The following SV2C variants were observed in gnomAD, a reference collection of about 807,000 sequenced individuals.
SV2C encodes solute carrier family 22 member B3.
In SV2C, 49 loss-of-function variants were observed where a neutral mutation model predicts 79.7. The ratio of observed to expected loss-of-function variants is 0.61; its 90% CI spans 0.49 to 0.78. SV2C has a LOEUF of 0.78. Among genes scored for constraint, SV2C ranks in the 30% least tolerant of loss-of-function variants. The pLI is 0.00. For missense variants in SV2C, 833 were observed against 912.9 expected, an observed-to-expected ratio of 0.91 and a Z score of 1.13; for synonymous variants, 334 against 333.2, an observed-to-expected ratio of 1.00 and a Z score of -0.03.
chr5:76,322,493 A>G (rs1052174824), intron 12 of SV2C, among the ~76,000 whole-genome samples: 4 of 152,240 alleles, frequency 2.6e-5, no homozygotes, highest in African/African-American at 9.6e-5. Flanking sequence ...TGCTATTCCC[A>G]TCCAACTACC....
chr5:75,897,585 T>C, the SV2C span, among the ~76,000 whole-genome samples: 1 of 152,330 alleles, frequency 6.6e-6, no homozygotes, highest in African/African-American at 2.4e-5. Flanking sequence ...TTTAAAGTAG[T>C]TTTTTCCAAT....
At chr5:75,950,469 T>G in the SV2C span, among the ~76,000 whole-genome samples, 4 of 152,138 alleles carry the variant, frequency 2.6e-5, no homozygotes, top group South Asian at 8.3e-4. Context: ...TTAACAAACA[T>G]ATGAAAACTT....
At chr5:76,048,193 G>A in the SV2C span, among the ~76,000 whole-genome samples, 1 of 152,236 alleles carries the variant, frequency 6.6e-6, no homozygotes, top group South Asian at 2.1e-4. Flanking sequence ...ATGTGATTAT[G>A]GAGGCTAAGA....
intron 2 of SV2C, among the ~76,000 whole-genome samples, chr5:76,190,498 C>T (rs1310880365): frequency 6.6e-6 from 1 of 152,176 alleles, no homozygotes; most frequent in African/African-American, 2.4e-5. Flanking sequence ...TCAGATATTG[C>T]CCAGGGGATC....
chr5:75,884,403 C>T, the SV2C span, among the ~76,000 whole-genome samples: 7 of 152,096 alleles, frequency 4.6e-5, no homozygotes, highest in African/African-American at 1.7e-4. Context: ...AAATAACATA[C>T]TTTGTTTTTA....
intron 1 of SV2C, among the ~76,000 whole-genome samples, chr5:76,113,938 A>T (rs959137119): frequency 6.6e-6 from 1 of 152,172 alleles, no homozygotes; most frequent in African/African-American, 2.4e-5. Flanking sequence ...ACACACACAC[A>T]CATATATACA....
intron 1 of SV2C, among the ~76,000 whole-genome samples, chr5:76,085,700 A>T (rs1461136410): frequency 6.6e-6 from 1 of 152,086 alleles, no homozygotes; most frequent in African/African-American, 2.4e-5. Context: ...ATTGTGAAAA[A>T]TAGCTTATAC....
intron 4 of SV2C, among the ~76,000 whole-genome samples, chr5:76,242,768 C>T (rs764154879): frequency 4.7e-4 from 71 of 151,844 alleles, no homozygotes; most frequent in Non-Finnish European, 4.3e-4. Context: ...TGTGGTAGCT[C>T]ACGCCTGTAA....
At position 76,300,621 on chromosome 5, in the gene SV2C, C is replaced by A. The variant is rs374570282; in HGVS notation, c.1637-108C>A. The A allele has an allele frequency of 6.7e-6, 8 of 1,190,136 alleles. No homozygotes were observed. The East Asian group carries it at 7.2e-5, about 11-fold the overall frequency. The allele number at this position is 1,190,136 out of a possible 1,614,324, so 73.7% of individuals were successfully genotyped here. A position where few individuals can be genotyped will look rare whatever the true frequency, so the allele number is the denominator to read the frequency against. ...AAGCTAGCATAGGCCTGAAAGCCCT[C>A]AAGGAATTTACAATACTGGTTTCCT... On this transcript the variant is annotated intron_variant, in intron 10 of 12. Coordinates refer to ENST00000502798, the MANE Select transcript of SV2C (RefSeq NM_014979.4).
the SV2C span, among the ~76,000 whole-genome samples, chr5:75,861,314 A>G: frequency 1.3e-5 from 2 of 152,316 alleles, no homozygotes; most frequent in East Asian, 3.9e-4. Context: ...TTAAAAAGTC[A>G]AAAAACAACA....
the SV2C span, among the ~76,000 whole-genome samples, chr5:75,884,648 T>G: frequency 6.6e-6 from 1 of 152,080 alleles, no homozygotes; most frequent in Non-Finnish European, 1.5e-5. Flanking sequence ...AAGAGGAGGT[T>G]TTGAATGTTA....
At chr5:76,316,155 C>G (rs1395591768) in intron 12 of SV2C, among the ~76,000 whole-genome samples, 2 of 152,092 alleles carry the variant, frequency 1.3e-5, no homozygotes, top group African/African-American at 2.4e-5. Flanking sequence ...TGTCTAAATC[C>G]TCTGATTTCC....
intron 1 of SV2C, among the ~76,000 whole-genome samples, chr5:76,120,172 G>A (rs1748431917): frequency 6.6e-6 from 1 of 151,730 alleles, no homozygotes; most frequent in Non-Finnish European, 1.5e-5. Context: ...GAATCTACCA[G>A]CACACATTTC....
At chr5:75,870,857 G>A in the SV2C span, among the ~76,000 whole-genome samples, 2 of 152,116 alleles carry the variant, frequency 1.3e-5, no homozygotes, top group Non-Finnish European at 2.9e-5. Context: ...GGAGAGAGTG[G>A]CACGACATAT....
At chr5:75,997,577 C>CA in the SV2C span, among the ~76,000 whole-genome samples, 5 of 152,088 alleles carry the variant, frequency 3.3e-5, no homozygotes, top group Non-Finnish European at 7.4e-5. Flanking sequence ...GCAACCAAAA[C>CA]ACACATGAAA....
At chr5:76,001,489 C>A in the SV2C span, among the ~76,000 whole-genome samples, 1 of 151,860 alleles carries the variant, frequency 6.6e-6, no homozygotes, top group Non-Finnish European at 1.5e-5. Context: ...GTGGTCCCAG[C>A]TACTCAGAAG....
chr5:76,122,791 C>A (rs566790932), intron 1 of SV2C, among the ~76,000 whole-genome samples: 3 of 151,858 alleles, frequency 2.0e-5, no homozygotes, highest in Admixed American at 6.6e-5. Context: ...AAAATTGACA[C>A]CCTAACATCA....
chr5:75,997,976 TGTG>T, the SV2C span, among the ~76,000 whole-genome samples: 28,623 of 151,664 alleles, frequency 0.19, 3,358 homozygotes, highest in East Asian at 0.61. Context: ...ATTAAGAAAA[TGTG>T]GTACATATAC....
the SV2C span, among the ~76,000 whole-genome samples, chr5:75,901,993 C>A: frequency 1.3e-5 from 2 of 152,340 alleles, no homozygotes; most frequent in Non-Finnish European, 2.9e-5. Flanking sequence ...CCGTCTGTCA[C>A]CCCTTTCTTT....
Sources: gnomAD v4.1 joint callset for allele counts (sites outside exome capture counted in the v4.1 genomes callset) on GRCh38, gnomAD v4.1.1 for gene constraint, MANE v1.5 for transcripts, NCBI Gene and HGNC (gene_info 2026-07-23, HGNC 2026-07-21) for gene names.